GRID2: variants seen among roughly 807,000 people sequenced by gnomAD.
GRID2 encodes the protein glutamate receptor ionotropic, delta-2.
GRID2 carries 33 observed loss-of-function variants against 114.8 expected under a neutral mutation model. The ratio of observed to expected loss-of-function variants is 0.29; its 90% confidence interval spans 0.22 to 0.38. GRID2 has a LOEUF of 0.38. Ranked by LOEUF, GRID2 falls within the 10% of genes least tolerant of loss-of-function variation. The probability of loss-of-function intolerance (pLI) is 1.00; values close to 1 mark genes in which losing one functional copy is unlikely to be tolerated. For missense variants in GRID2, 1,184 were observed against 1,257.7 expected, an observed-to-expected ratio of 0.94 and a Z score of 0.89; for synonymous variants, 505 against 449.9, an observed-to-expected ratio of 1.12 and a Z score of -1.55.
chr4:93,163,814 G>C (rs563114067), intron 4 of GRID2, among the ~76,000 whole-genome samples: 75 of 152,008 alleles, frequency 4.9e-4, no homozygotes, highest in African/African-American at 1.8e-3. Flanking sequence ...TTAATATTAA[G>C]GCTACCTGCA....
chr4:93,325,143 A>G (rs1757689416), intron 8 of GRID2, among the ~76,000 whole-genome samples: 1 of 152,014 alleles, frequency 6.6e-6, no homozygotes, highest in African/African-American at 2.4e-5. Context: ...TGTCAATTTT[A>G]GTTCTTTCCT....
intron 1 of GRID2, among the ~76,000 whole-genome samples, chr4:93,792,237 T>C (rs1450347734): frequency 6.6e-6 from 1 of 152,186 alleles, no homozygotes; most frequent in Non-Finnish European, 1.5e-5. Flanking sequence ...AACTCAATTC[T>C]AATCCCACTT....
chr4:92,420,970 C>T (rs551252383), intron 1 of GRID2, among the ~76,000 whole-genome samples: 1 of 152,202 alleles, frequency 6.6e-6, no homozygotes, highest in South Asian at 2.1e-4. Context: ...TAGGCATGAG[C>T]CAAGCTGCCT....
chr4:92,634,349 G>A (rs920229870), intron 2 of GRID2, among the ~76,000 whole-genome samples: 3 of 152,084 alleles, frequency 2.0e-5, no homozygotes, highest in Admixed American at 6.6e-5. Flanking sequence ...TATTGTAACT[G>A]TATTGTTCCT....
At chr4:92,427,618 TAAG>T (rs1390902410) in intron 1 of GRID2, among the ~76,000 whole-genome samples, 1 of 152,142 alleles carries the variant, frequency 6.6e-6, no homozygotes, top group Admixed American at 6.6e-5. Context: ...GAGATCATGA[TAAG>T]GAGATGACTT....
intron 1 of GRID2, among the ~76,000 whole-genome samples, chr4:92,453,988 C>T (rs991419333): frequency 6.6e-6 from 1 of 152,164 alleles, no homozygotes; most frequent in African/African-American, 2.4e-5. Context: ...ACAGCATGCA[C>T]ACTTTGGCCA....
At chr4:93,606,965 A>T (rs1019482627) in intron 13 of GRID2, among the ~76,000 whole-genome samples, 1 of 152,172 alleles carries the variant, frequency 6.6e-6, no homozygotes, top group African/African-American at 2.4e-5. Flanking sequence ...GACTATGTAT[A>T]AATTAGGCCT....
At chr4:92,702,113 C>T (rs1055122246) in intron 2 of GRID2, among the ~76,000 whole-genome samples, 32 of 152,034 alleles carry the variant, frequency 2.1e-4, no homozygotes, top group Non-Finnish European at 3.1e-4. Flanking sequence ...GAGTTCAGAC[C>T]GGAGCAATCC....
intron 1 of GRID2, among the ~76,000 whole-genome samples, chr4:92,584,392 T>C (rs7667310): frequency 0.38 from 57,655 of 151,660 alleles, 10,949 homozygotes; most frequent in Middle Eastern, 0.46. Flanking sequence ...AAAAACTCAC[T>C]TGTGAATAGT....
chr4:93,445,605 T>C (rs1175409727), intron 10 of GRID2, among the ~76,000 whole-genome samples: 1 of 151,980 alleles, frequency 6.6e-6, no homozygotes, highest in East Asian at 1.9e-4. Context: ...ACTAACATAA[T>C]TTAAATTACT....
At chr4:92,973,427 C>T (rs1213392798) in intron 2 of GRID2, among the ~76,000 whole-genome samples, 1 of 152,124 alleles carries the variant, frequency 6.6e-6, no homozygotes, top group Non-Finnish European at 1.5e-5. Context: ...ACATAGTATG[C>T]TCTTTGTTTT....
intron 2 of GRID2, among the ~76,000 whole-genome samples, chr4:93,015,676 A>T (rs1722618014): frequency 6.6e-6 from 1 of 152,146 alleles, no homozygotes; most frequent in Non-Finnish European, 1.5e-5. Context: ...AAAAACTGTC[A>T]TGAAAACTTA....
chr4:93,717,507 C>A (rs1301045473), intron 14 of GRID2, among the ~76,000 whole-genome samples: 2 of 152,012 alleles, frequency 1.3e-5, no homozygotes, highest in East Asian at 3.9e-4. Flanking sequence ...TACTTAAGCA[C>A]TGCTAACTAT....
intron 1 of GRID2, among the ~76,000 whole-genome samples, chr4:92,557,199 AT>A (rs1180848793): frequency 5.9e-5 from 9 of 152,040 alleles, no homozygotes; most frequent in African/African-American, 2.2e-4. Flanking sequence ...AGCTTTTACT[AT>A]TTTTTAAATG....
At chr4:92,925,315 T>A (rs1000857021) in intron 2 of GRID2, among the ~76,000 whole-genome samples, 1 of 152,074 alleles carries the variant, frequency 6.6e-6, no homozygotes, top group Non-Finnish European at 1.5e-5. Flanking sequence ...GAGAATCATT[T>A]CAGAGATTAG....
intron 2 of GRID2, among the ~76,000 whole-genome samples, chr4:92,957,593 C>A (rs1459158675): frequency 6.6e-6 from 1 of 151,720 alleles, no homozygotes; most frequent in African/African-American, 2.4e-5. Flanking sequence ...ATCAGTCTTC[C>A]ATTTTTTTTT....
At chr4:93,237,111 C>G (rs898249849) in intron 7 of GRID2, among the ~76,000 whole-genome samples, 2 of 151,646 alleles carry the variant, frequency 1.3e-5, no homozygotes, top group African/African-American at 4.8e-5. Context: ...TAGTAGATCC[C>G]GAAGCCATTG....
At chr4:93,431,991 A>G (rs1024282523) in intron 10 of GRID2, among the ~76,000 whole-genome samples, 3 of 152,198 alleles carry the variant, frequency 2.0e-5, no homozygotes, top group Non-Finnish European at 4.4e-5. Context: ...ATTGACAAAG[A>G]TACTTTCTTA....
intron 9 of GRID2, among the ~76,000 whole-genome samples, chr4:93,408,897 G>C (rs974658515): frequency 6.6e-6 from 1 of 152,030 alleles, no homozygotes; most frequent in Non-Finnish European, 1.5e-5. Context: ...AAAAGAAAAA[G>C]GTACATCCCT....
Sources: gnomAD v4.1 joint callset for allele counts (sites outside exome capture counted in the v4.1 genomes callset) on GRCh38, gnomAD v4.1.1 for gene constraint, MANE v1.5 for transcripts, NCBI Gene and HGNC (gene_info 2026-07-23, HGNC 2026-07-21) for gene names.